The following ARNT2 variants were observed in gnomAD, a reference collection of about 807,000 sequenced individuals.
The protein encoded by ARNT2 is aryl hydrocarbon receptor nuclear translocator 2, also known as ARNT protein 2.
In ARNT2, 36 loss-of-function variants were observed where a neutral mutation model predicts 91.7. The observed-to-expected ratio is 0.39, with a 90% CI of 0.30 to 0.52. ARNT2 has a LOEUF of 0.52. ARNT2 is among the 20% of genes least tolerant of loss of function. The probability of loss-of-function intolerance (pLI) is 0.72; values close to 1 mark genes in which losing one functional copy is unlikely to be tolerated. For missense variants in ARNT2, 775 were observed against 939.3 expected (o/e 0.83, Z 2.29); for synonymous variants, 365 against 347.1 (o/e 1.05, Z -0.57).
At chr15:80,529,962 A>G (rs868816413) in intron 8 of ARNT2, among the ~76,000 whole-genome samples, 10 of 152,168 alleles carry the variant, frequency 6.6e-5, no homozygotes, top group African/African-American at 1.4e-4. Context: ...ATGTCCTCTT[A>G]TGTCACACTG....
intron 1 of ARNT2, among the ~76,000 whole-genome samples, chr15:80,422,109 A>T (rs948596087): frequency 2.6e-5 from 4 of 152,142 alleles, no homozygotes; most frequent in Non-Finnish European, 5.9e-5. Flanking sequence ...TGTAAGTTAG[A>T]GTTTCAGGTA....
chr15:80,533,801 A>G (rs1897779191), intron 8 of ARNT2, among the ~76,000 whole-genome samples: 1 of 152,262 alleles, frequency 6.6e-6, no homozygotes, highest in African/African-American at 2.4e-5. Flanking sequence ...TCAGAAGCAC[A>G]CAGTGGGCAG....
chr15:80,587,638 C>T (rs1893198043), intron 17 of ARNT2, among the ~76,000 whole-genome samples: 2 of 152,226 alleles, frequency 1.3e-5, no homozygotes, highest in South Asian at 2.1e-4. Context: ...GCCACAAGCT[C>T]CTCAAGATTC....
intron 2 of ARNT2, among the ~76,000 whole-genome samples, chr15:80,453,058 C>T (rs1028436037): frequency 2.0e-5 from 3 of 152,204 alleles, no homozygotes; most frequent in African/African-American, 7.2e-5. Context: ...AGGCATGAGC[C>T]ACTGCATCTA....
intron 5 of ARNT2, among the ~76,000 whole-genome samples, chr15:80,503,605 C>A (rs751511518): frequency 6.6e-6 from 1 of 152,194 alleles, no homozygotes; most frequent in Non-Finnish European, 1.5e-5. Flanking sequence ...ACAGCTGAAA[C>A]CATTTGCCAT....
intron 3 of ARNT2, among the ~76,000 whole-genome samples, chr15:80,469,890 C>A (rs957666608): frequency 6.6e-6 from 1 of 152,212 alleles, no homozygotes; most frequent in Non-Finnish European, 1.5e-5. Flanking sequence ...GCTGGGACTG[C>A]AGATGTGAGC....
At chr15:80,579,603 C>T (rs1243697361) in intron 15 of ARNT2, among the ~76,000 whole-genome samples, 1 of 152,156 alleles carries the variant, frequency 6.6e-6, no homozygotes, top group African/African-American at 2.4e-5. Context: ...CACTGCCCTG[C>T]ATGCTGAGCT....
intron 3 of ARNT2, among the ~76,000 whole-genome samples, chr15:80,468,546 ACCT>A (rs780313933): frequency 6.7e-6 from 1 of 150,274 alleles, no homozygotes; most frequent in African/African-American, 2.5e-5. Context: ...CCCAAAATAG[ACCT>A]CCTCTACTTG....
At chr15:80,590,360 C>G (rs1893254521) in intron 17 of ARNT2, among the ~76,000 whole-genome samples, 1 of 152,168 alleles carries the variant, frequency 6.6e-6, no homozygotes, top group South Asian at 2.1e-4. Context: ...TTTAAGCCTC[C>G]TCTTTGGTTG....
intron 1 of ARNT2, among the ~76,000 whole-genome samples, chr15:80,417,906 G>A (rs937487828): frequency 3.3e-5 from 5 of 152,200 alleles, no homozygotes; most frequent in Non-Finnish European, 7.3e-5. Flanking sequence ...GGACCGTAGT[G>A]TGTGGGTGGC....
intron 1 of ARNT2, among the ~76,000 whole-genome samples, chr15:80,422,609 G>A (rs1451102702): frequency 6.6e-6 from 1 of 152,238 alleles, no homozygotes; most frequent in Non-Finnish European, 1.5e-5. Context: ...CTCAGATGCA[G>A]TGAGCAAAGG....
At chr15:80,425,710 T>C (rs1310175626) in intron 1 of ARNT2, among the ~76,000 whole-genome samples, 1 of 151,204 alleles carries the variant, frequency 6.6e-6, no homozygotes, top group Non-Finnish European at 1.5e-5. Flanking sequence ...TCCACCTGTT[T>C]TGGAGTGTTT....
chr15:80,430,214 G>A (rs1595958497), intron 1 of ARNT2, among the ~76,000 whole-genome samples: 1 of 152,102 alleles, frequency 6.6e-6, no homozygotes, highest in African/African-American at 2.4e-5. Context: ...GCTCTGTGCT[G>A]GATGCAACAG....
rs117513692 is a variant in ARNT2, at chr15:80,579,732, G to A, written c.1614-679G>A. On this transcript the variant is annotated intron_variant, in intron 15 of 18. Coordinates refer to ENST00000303329, the MANE Select transcript of ARNT2 (RefSeq NM_014862.4). ...GCCTGGAAAATCTCCTGGAAGAAGC[G>A]CCTGGTGGTACAGACAGTGCCTGCC... Among the ~76,000 whole-genome samples the A allele has an allele frequency of 5.7e-3, 873 of 152,304 alleles. 3 individuals are homozygous for A. Among genetic ancestry groups the A allele is most frequent in the Admixed American group, 8.0e-3 (122 of 15,308 alleles).
intron 5 of ARNT2, among the ~76,000 whole-genome samples, chr15:80,494,002 G>A (rs1406922764): frequency 6.6e-6 from 1 of 152,100 alleles, no homozygotes; most frequent in Non-Finnish European, 1.5e-5. Context: ...CTTTGCTTCT[G>A]CCATGATGCT....
intron 5 of ARNT2, among the ~76,000 whole-genome samples, chr15:80,478,828 A>G (rs1229415377): frequency 6.6e-6 from 1 of 152,164 alleles, no homozygotes; most frequent in Non-Finnish European, 1.5e-5. Flanking sequence ...ATAATTTTAA[A>G]ATTGTATTAA....
chr15:80,420,228 TTAAGA>T (rs5814020), intron 1 of ARNT2, among the ~76,000 whole-genome samples: 113,044 of 151,304 alleles, frequency 0.75, 42,470 homozygotes, highest in East Asian at 0.8. Context: ...AGGGTTTCAC[TTAAGA>T]TTTTTGACTT....
Position 80,581,726 on chromosome 15 carries a change from A to G in ARNT2, c.1918+322A>G, listed in dbSNP as rs780675615. On this transcript the variant is annotated intron_variant, in intron 17 of 18. Coordinates refer to ENST00000303329, the MANE Select transcript of ARNT2 (RefSeq NM_014862.4). ...TCAGGTCCCCCAAGTCAAAAACCTTATAGTCTTGTTTCAAGAAACTAGAGA... is the reference window on the plus strand; with the variant it reads ...TCAGGTCCCCCAAGTCAAAAACCTTGTAGTCTTGTTTCAAGAAACTAGAGA... Among the ~76,000 whole-genome samples, 16 of 152,364 alleles carry G rather than the reference A, an allele frequency of 1.1e-4. No individual in the cohort carries two copies. In the South Asian group the frequency reaches 1.4e-3, roughly 14 times the overall value.
At chr15:80,526,390 C>T (rs1210977909) in intron 8 of ARNT2, among the ~76,000 whole-genome samples, 1 of 152,198 alleles carries the variant, frequency 6.6e-6, no homozygotes, top group African/African-American at 2.4e-5. Flanking sequence ...TGCTTCTACC[C>T]CATTGTTATC....
Sources: allele counts gnomAD v4.1 joint callset (sites outside exome capture counted in the v4.1 genomes callset), GRCh38; gene constraint gnomAD v4.1.1; transcripts MANE v1.5; gene names NCBI Gene and HGNC (gene_info 2026-07-23, HGNC 2026-07-21).